The following DPH6 variants were observed in gnomAD, a reference collection of about 807,000 sequenced individuals.
DPH6 encodes the protein diphthine--ammonia ligase.
DPH6 carries 33 observed loss-of-function variants against 38.2 expected under a neutral mutation model. The observed-to-expected ratio is 0.86, with a 90% CI of 0.65 to 1.15. DPH6 has a LOEUF of 1.15. DPH6 is among the 50% of genes most tolerant of loss of function. The probability of loss-of-function intolerance (pLI) is 0.00; values close to 1 mark genes in which losing one functional copy is unlikely to be tolerated. For missense variants in DPH6, 325 were observed against 320.0 expected (o/e 1.02, Z -0.12); for synonymous variants, 108 against 103.0 (o/e 1.05, Z -0.30).
At chr15:35,269,790 C>CTTTTT (rs1198000526) in intron 3 of DPH6, among the ~76,000 whole-genome samples, 2 of 108,548 alleles carry the variant, frequency 1.8e-5, no homozygotes, top group Non-Finnish European at 1.9e-5. Flanking sequence ...GGGTGTGTTT[C>CTTTTT]TTTTTTTTTT....
chr15:35,357,540 T>C (rs545787560), intron 3 of DPH6, among the ~76,000 whole-genome samples: 17 of 152,374 alleles, frequency 1.1e-4, no homozygotes, highest in African/African-American at 4.1e-4. Context: ...TATTTCAAGA[T>C]TGAAAGCTCC....
At chr15:35,428,003 G>A (rs1245414868) in intron 5 of DPH6, among the ~76,000 whole-genome samples, 1 of 151,896 alleles carries the variant, frequency 6.6e-6, no homozygotes, top group Non-Finnish European at 1.5e-5. Context: ...GGGAAGATGA[G>A]CTCCCAAACC....
rs71309445 is a variant in DPH6, at chr15:35,491,548, TACACACAC to T, written c.313-36736_313-36729del. Reference sequence around the variant, plus strand: ...TCCAGAGAATCAGAACCAATAGGTGTACACACACACACACACACACACACACACACACA... The same window carrying T: ...TCCAGAGAATCAGAACCAATAGGTGTACACACACACACACACACACACACA... On this transcript the variant is annotated intron_variant, in intron 3 of 8. Coordinates refer to ENST00000256538, the MANE Select transcript of DPH6 (RefSeq NM_080650.4). Among the ~76,000 whole-genome samples the T allele has an allele frequency of 2.9e-3, 396 of 137,742 alleles. 2 individuals are homozygous for T. The highest frequency in any genetic ancestry group is 0.026 in the Middle Eastern group (7 of 268). 90.4% of individuals were successfully genotyped at this position (137,742 alleles called of 152,430 possible).
chr15:35,359,517 C>T (rs1042794580), intron 3 of DPH6, among the ~76,000 whole-genome samples: 1 of 152,204 alleles, frequency 6.6e-6, no homozygotes, highest in Admixed American at 6.5e-5. Context: ...GAATGGCCTG[C>T]TAGAGGACCC....
chr15:35,251,414 C>T (rs1236267311), intron 3 of DPH6, among the ~76,000 whole-genome samples: 71 of 152,126 alleles, frequency 4.7e-4, no homozygotes, highest in Non-Finnish European at 1.3e-4. Context: ...CTCATTTCTC[C>T]AACCCCAGCT....
intron 3 of DPH6, among the ~76,000 whole-genome samples, chr15:35,260,959 T>G (rs1336256561): frequency 1.3e-5 from 2 of 152,238 alleles, no homozygotes; most frequent in Non-Finnish European, 2.9e-5. Flanking sequence ...ATTTTATGTA[T>G]TCTTCATCAC....
chr15:35,431,491 C>A (rs2053631948), intron 5 of DPH6, among the ~76,000 whole-genome samples: 1 of 151,964 alleles, frequency 6.6e-6, no homozygotes, highest in African/African-American at 2.4e-5. Context: ...TCCTGAAAAT[C>A]AAGTTAAGCC....
chr15:35,312,452 C>T (rs1232177058), intron 3 of DPH6, among the ~76,000 whole-genome samples: 3 of 152,078 alleles, frequency 2.0e-5, no homozygotes, highest in Admixed American at 6.5e-5. Context: ...ACTGGAAAAG[C>T]AGAGATAAAC....
intron 3 of DPH6, among the ~76,000 whole-genome samples, chr15:35,364,964 T>C (rs1462939910): frequency 6.6e-6 from 1 of 152,088 alleles, no homozygotes; most frequent in Non-Finnish European, 1.5e-5. Flanking sequence ...TTTCTATCTT[T>C]GTTTCTCTTC....
intron 3 of DPH6, among the ~76,000 whole-genome samples, chr15:35,529,223 G>T (rs2055049470): frequency 6.6e-6 from 1 of 152,158 alleles, no homozygotes; most frequent in African/African-American, 2.4e-5. Flanking sequence ...TTTGCAGGCT[G>T]TACAGGCTTC....
At chr15:35,379,071 T>C (rs533745118) in intron 7 of DPH6, among the ~76,000 whole-genome samples, 39 of 152,320 alleles carry the variant, frequency 2.6e-4, no homozygotes, top group African/African-American at 8.9e-4. Context: ...TTTTTCTAGC[T>C]TGTAGAAGCT....
intron 3 of DPH6, among the ~76,000 whole-genome samples, chr15:35,495,076 C>T (rs1038233746): frequency 2.0e-5 from 3 of 152,022 alleles, no homozygotes; most frequent in Non-Finnish European, 2.9e-5. Context: ...TATATGTCAC[C>T]AATATAATTT....
intron 5 of DPH6, among the ~76,000 whole-genome samples, chr15:35,423,262 T>C (rs915147219): frequency 4.0e-5 from 6 of 151,848 alleles, no homozygotes; most frequent in Non-Finnish European, 7.4e-5. Context: ...TGATACCTCA[T>C]TGTGGTTTTG....
chr15:35,294,190 A>G (rs1476455510), intron 3 of DPH6, among the ~76,000 whole-genome samples: 1 of 151,924 alleles, frequency 6.6e-6, no homozygotes, highest in Non-Finnish European at 1.5e-5. Context: ...CTCCTACTCC[A>G]TCCCCAACCC....
intron 3 of DPH6, among the ~76,000 whole-genome samples, chr15:35,530,077 C>T (rs2055064660): frequency 6.6e-6 from 1 of 152,054 alleles, no homozygotes; most frequent in Non-Finnish European, 1.5e-5. Flanking sequence ...AAGTCATGTG[C>T]TTCAAAAATA....
At chr15:35,180,492 C>G in the DPH6 span, among the ~76,000 whole-genome samples, 1 of 151,098 alleles carries the variant, frequency 6.6e-6, no homozygotes, top group Non-Finnish European at 1.5e-5. Context: ...GATGTATTTG[C>G]CTACTTTGCT....
At chr15:35,282,901 G>A in intron 3 of DPH6, 1 of 343,254 alleles carries the variant, frequency 2.9e-6, no homozygotes, top group Non-Finnish European at 6.0e-6. Flanking sequence ...CCATATAGAT[G>A]TTCCTGTTGA....
At chr15:35,419,496 TAG>T (rs1187829220) in intron 5 of DPH6, among the ~76,000 whole-genome samples, 2 of 152,036 alleles carry the variant, frequency 1.3e-5, no homozygotes, top group South Asian at 2.1e-4. Flanking sequence ...ATCAAAAATA[TAG>T]AGAGGCAGAA....
At chr15:35,247,999 T>C (rs182689106) in intron 3 of DPH6, among the ~76,000 whole-genome samples, 21 of 152,300 alleles carry the variant, frequency 1.4e-4, no homozygotes, top group Admixed American at 3.9e-4. Context: ...ATAAAATCAA[T>C]GGTAAATAGT....
Sources: gnomAD v4.1 joint callset for allele counts (sites outside exome capture counted in the v4.1 genomes callset) on GRCh38, gnomAD v4.1.1 for gene constraint, MANE v1.5 for transcripts, NCBI Gene and HGNC (gene_info 2026-07-23, HGNC 2026-07-21) for gene names.